The following RBFOX1 variants were observed in gnomAD, a reference collection of about 807,000 sequenced individuals.
The protein encoded by RBFOX1 is RNA binding fox-1 homolog 1, also known as RNA binding protein fox-1 homolog 1.
RBFOX1 carries 8 observed loss-of-function variants against 57.7 expected under a neutral mutation model. The ratio of observed to expected loss-of-function variants is 0.14; its 90% CI spans 0.08 to 0.25. The LOEUF is 0.25. Ranked by LOEUF, RBFOX1 falls within the 10% of genes least tolerant of loss-of-function variation. The probability of loss-of-function intolerance (pLI) is 1.00; values close to 1 mark genes in which losing one functional copy is unlikely to be tolerated. For missense variants in RBFOX1, 611 were observed against 548.5 expected (o/e 1.11, Z -1.14); for synonymous variants, 326 against 222.4 (o/e 1.47, Z -4.15).
intron 1 of RBFOX1, among the ~76,000 whole-genome samples, chr16:6,124,448 T>G (rs1451921466): frequency 1.3e-5 from 2 of 152,220 alleles, no homozygotes; most frequent in Non-Finnish European, 2.9e-5. Context: ...GACCCCTGGG[T>G]TATTTCTTCA....
At chr16:5,826,707 A>T (rs906048964) in intron 3 of RBFOX1, among the ~76,000 whole-genome samples, 6 of 152,210 alleles carry the variant, frequency 3.9e-5, no homozygotes, top group Non-Finnish European at 7.3e-5. Context: ...TTGTTATTTA[A>T]CATATTAATT....
intron 4 of RBFOX1, among the ~76,000 whole-genome samples, chr16:5,902,514 C>T (rs1317494538): frequency 2.0e-5 from 3 of 152,124 alleles, no homozygotes; most frequent in East Asian, 1.9e-4. Context: ...CTCCCAGGTT[C>T]GAGTGATTCT....
At chr16:5,285,892 C>G (rs1054330720) in intron 1 of RBFOX1, among the ~76,000 whole-genome samples, 2 of 152,148 alleles carry the variant, frequency 1.3e-5, no homozygotes, top group African/African-American at 4.8e-5. Context: ...CTGCCTCAGC[C>G]TCCTGAGTAG....
intron 3 of RBFOX1, among the ~76,000 whole-genome samples, chr16:6,672,191 C>T (rs922079312): frequency 4.6e-5 from 7 of 152,264 alleles, no homozygotes; most frequent in African/African-American, 1.7e-4. Flanking sequence ...TATTTATGAG[C>T]TTTTGGAAAT....
intron 4 of RBFOX1, among the ~76,000 whole-genome samples, chr16:7,424,254 A>G (rs1454505834): frequency 1.3e-5 from 2 of 149,158 alleles, no homozygotes; most frequent in Non-Finnish European, 3.0e-5. Context: ...TTGAATATGA[A>G]TATATATATA....
At chr16:5,715,527 T>C (rs2051663372) in intron 3 of RBFOX1, among the ~76,000 whole-genome samples, 1 of 152,248 alleles carries the variant, frequency 6.6e-6, no homozygotes. Context: ...AGTGGAAAAG[T>C]CCAGTTGACT....
chr16:7,228,005 C>G (rs1356194707), intron 4 of RBFOX1, among the ~76,000 whole-genome samples: 1 of 152,182 alleles, frequency 6.6e-6, no homozygotes, highest in South Asian at 2.1e-4. Flanking sequence ...CCTCAATCCA[C>G]AGGATACCAG....
chr16:7,391,901 C>G (rs181088000), intron 4 of RBFOX1, among the ~76,000 whole-genome samples: 166 of 152,260 alleles, frequency 1.1e-3, no homozygotes, highest in African/African-American at 3.7e-3. Flanking sequence ...AGGTAAGGGA[C>G]AAGGATATCA....
At chr16:6,394,549 G>T (rs1198781657) in intron 2 of RBFOX1, among the ~76,000 whole-genome samples, 2 of 151,856 alleles carry the variant, frequency 1.3e-5, no homozygotes, top group African/African-American at 4.8e-5. Context: ...TTATGCAAAA[G>T]AAACGAGCTA....
intron 4 of RBFOX1, among the ~76,000 whole-genome samples, chr16:7,300,613 A>G (rs1486342392): frequency 1.7e-5 from 1 of 58,406 alleles, no homozygotes; most frequent in Non-Finnish European, 3.7e-5. Context: ...TCTTATAGAA[A>G]GTATTTTTTT....
chr16:5,316,654 A>C (rs1355043002), intron 1 of RBFOX1, among the ~76,000 whole-genome samples: 1 of 152,214 alleles, frequency 6.6e-6, no homozygotes, highest in Non-Finnish European at 1.5e-5. Flanking sequence ...TTGGGTGTCA[A>C]CTTGACTAAT....
At chr16:7,503,983 G>A (rs1203849269) in intron 4 of RBFOX1, among the ~76,000 whole-genome samples, 1 of 151,994 alleles carries the variant, frequency 6.6e-6, no homozygotes, top group Admixed American at 6.6e-5. Context: ...GGTTATCACG[G>A]GGAAAAATGG....
chr16:6,430,773 C>T (rs1224723991), intron 2 of RBFOX1, among the ~76,000 whole-genome samples: 2 of 152,074 alleles, frequency 1.3e-5, no homozygotes, highest in South Asian at 4.2e-4. Flanking sequence ...TTAGAAAGGC[C>T]ACTCTGGCTG....
At chr16:5,880,421 A>G (rs1312607576) in intron 4 of RBFOX1, among the ~76,000 whole-genome samples, 1 of 152,232 alleles carries the variant, frequency 6.6e-6, no homozygotes. Flanking sequence ...TTAAGTCTCC[A>G]AGGGATGATA....
intron 4 of RBFOX1, among the ~76,000 whole-genome samples, chr16:7,445,983 CG>C (rs2098804624): frequency 6.6e-6 from 1 of 152,142 alleles, no homozygotes; most frequent in African/African-American, 2.4e-5. Context: ...TTTCAAGAGT[CG>C]GGGATCTTCT....
At chr16:6,103,449 T>G (rs2096339318) in intron 1 of RBFOX1, among the ~76,000 whole-genome samples, 1 of 152,082 alleles carries the variant, frequency 6.6e-6, no homozygotes, top group Non-Finnish European at 1.5e-5. Flanking sequence ...ATTATTACTG[T>G]TGTTGTCAGT....
chr16:6,783,783 C>A (rs750686731), intron 3 of RBFOX1, among the ~76,000 whole-genome samples: 2 of 152,118 alleles, frequency 1.3e-5, no homozygotes, highest in African/African-American at 2.4e-5. Context: ...GTACCCCTGT[C>A]TTTCATATTG....
At chr16:6,802,741 G>C (rs948577854) in intron 3 of RBFOX1, among the ~76,000 whole-genome samples, 3 of 152,160 alleles carry the variant, frequency 2.0e-5, no homozygotes, top group Admixed American at 2.0e-4. Context: ...TTCGGCAAAA[G>C]CCATTCCCCC....
chr16:7,485,470 T>A (rs994371069), intron 4 of RBFOX1, among the ~76,000 whole-genome samples: 4 of 152,210 alleles, frequency 2.6e-5, no homozygotes, highest in African/African-American at 9.7e-5. Context: ...TGCTTCAACC[T>A]CCCACATGTG....
Sources: allele counts gnomAD v4.1 joint callset (sites outside exome capture counted in the v4.1 genomes callset), GRCh38; gene constraint gnomAD v4.1.1; transcripts MANE v1.5; gene names NCBI Gene and HGNC (gene_info 2026-07-23, HGNC 2026-07-21).